Variants in AIM2 observed in about 807,000 individuals in gnomAD.
The protein encoded by AIM2 is interferon-inducible protein AIM2.
Under a neutral mutation model 27.7 loss-of-function variants are expected in AIM2, and 30 were observed. That is an observed-to-expected ratio of 1.08 (90% confidence interval 0.81 to 1.47). AIM2 has a LOEUF of 1.47. Ranked by LOEUF, AIM2 falls within the 40% of genes most tolerant of loss-of-function variation. The pLI is 0.00. For missense variants in AIM2, 358 were observed against 411.3 expected (o/e 0.87, Z 1.12); for synonymous variants, 141 against 145.3 (o/e 0.97, Z 0.21).
At chr1:159,058,140 G>C (rs1655716404), downstream of AIM2, among the ~76,000 whole-genome samples, 1 of 152,160 alleles carries the variant, frequency 6.6e-6, no homozygotes, top group Non-Finnish European at 1.5e-5. Flanking sequence ...GATCACTTGA[G>C]GTCAGGAGTT....
chr1:159,138,427 A>G (rs1648051991), intron 1 of AIM2, among the ~76,000 whole-genome samples: 1 of 152,150 alleles, frequency 6.6e-6, no homozygotes, highest in South Asian at 2.1e-4. Context: ...CACAACCATC[A>G]TTCATCACAT....
chr1:159,143,591 C>CGT (rs1648152649), upstream of AIM2, among the ~76,000 whole-genome samples: 1 of 87,358 alleles, frequency 1.1e-5, no homozygotes, highest in Non-Finnish European at 2.3e-5. Context: ...TACACACACA[C>CGT]ACACACACAC....
In AIM2 at chr1:159,115,258, C is replaced by A. The variant is rs547606011; in HGVS notation, c.-16+25173G>T. On this transcript the variant is annotated intron_variant, in intron 1 of 2. Coordinates refer to the AIM2 transcript ENST00000368129. ...AATATCGTGAAAATGGCCATACTGC[C>A]CAAGGTAATTTATAGATTCAATGCC... is the stretch of plus-strand genomic sequence containing the variant. Among the ~76,000 whole-genome samples the A allele has an allele frequency of 5.9e-5, 9 of 152,214 alleles. No homozygotes were observed. In the East Asian group the frequency reaches 1.7e-3, roughly 29 times the overall value.
At chr1:159,097,001 A>G (rs1337301994) in intron 1 of AIM2, among the ~76,000 whole-genome samples, 1 of 152,030 alleles carries the variant, frequency 6.6e-6, no homozygotes, top group African/African-American at 2.4e-5. Context: ...AGGCACAGAA[A>G]ATCTGGGATT....
At chr1:159,093,720 G>GTATA (rs962310298) in intron 1 of AIM2, among the ~76,000 whole-genome samples, 141 of 149,000 alleles carry the variant, frequency 9.5e-4, no homozygotes, top group African/African-American at 3.3e-3. Context: ...ATATGTATGT[G>GTATA]TATATATATA....
chr1:159,133,692 T>C (rs1647952943), intron 1 of AIM2, among the ~76,000 whole-genome samples: 1 of 152,230 alleles, frequency 6.6e-6, no homozygotes, highest in Admixed American at 6.5e-5. Flanking sequence ...AGTTTCTTCT[T>C]ATATACTTCT....
At chr1:159,108,593 A>T (rs960750721) in intron 1 of AIM2, among the ~76,000 whole-genome samples, 2 of 152,208 alleles carry the variant, frequency 1.3e-5, no homozygotes, top group African/African-American at 4.8e-5. Context: ...AGAAAAGAAG[A>T]AGTCAAACTG....
intron 1 of AIM2, among the ~76,000 whole-genome samples, chr1:159,127,510 G>T (rs1647753769): frequency 6.6e-6 from 1 of 152,226 alleles, no homozygotes; most frequent in African/African-American, 2.4e-5. Context: ...TATCAGTAAT[G>T]AAAACACAAT....
chr1:159,066,183 C>T lies in AIM2; in HGVS notation c.543G>A (p.Val181=). 6.2e-7 allele frequency: 1 copy of T among 1,614,120 alleles called. No homozygotes were observed. Among genetic ancestry groups the T allele is most frequent in the Non-Finnish European group, 8.5e-7 (1 of 1,180,024 alleles). Residue 181 remains valine, a synonymous_variant, in exon 4 of 6, where the codon GTG becomes GTA. Transcript: ENST00000368130. ...EGKQEMFHAT[V]ATEKEFFFVK... is the part of the protein sequence containing the mutation. ...CAAAGAAGAATTCCTTTTCTGTAGC[C>T]ACTGTAGCATGAAACATCTCCTGCT...
At chr1:159,132,308 T>C (rs1297452642) in intron 1 of AIM2, 5 of 151,722 alleles carry the variant, frequency 3.3e-5, no homozygotes, top group African/African-American at 9.7e-5. Flanking sequence ...GCGGAGGTTG[T>C]AGTCAGTGGA....
rs976023493 is a variant in AIM2 at position 159,084,770 on chromosome 1, G to A, written c.-15-18441C>T. ...AGCCTGAGTGACAGAGCAAAACCCT[G>A]TCTGAAATACACACACACACACACA... On this transcript the variant is annotated intron_variant, in intron 1 of 2. Transcript: ENST00000368129. Among the ~76,000 whole-genome samples the A allele has an allele frequency of 1.7e-4, 12 of 71,524 alleles. No individual in the cohort carries two copies. The Admixed American group carries it at 1.9e-3, about 12-fold the overall frequency. The allele number at this position is 71,524 out of a possible 152,430, so 46.9% of individuals were successfully genotyped here.
intron 1 of AIM2, chr1:159,123,482 C>T (rs923251079): frequency 2.0e-5 from 3 of 151,916 alleles, no homozygotes; most frequent in Admixed American, 6.6e-5. Context: ...CCAACTTCGT[C>T]GTATATTTGA....
intron 1 of AIM2, among the ~76,000 whole-genome samples, chr1:159,110,723 T>C (rs138063351): frequency 6.6e-6 from 1 of 152,322 alleles, no homozygotes; most frequent in African/African-American, 2.4e-5. Context: ...TCCTTCTCTA[T>C]TTCCTGCCCC....
downstream of AIM2, among the ~76,000 whole-genome samples, chr1:159,058,549 T>C (rs1465443161): frequency 6.6e-6 from 1 of 151,526 alleles, no homozygotes; most frequent in Non-Finnish European, 1.5e-5. Flanking sequence ...TAAAAGGCCA[T>C]GGAGACAGGT....
upstream of AIM2, among the ~76,000 whole-genome samples, chr1:159,078,519 C>T (rs1364661635): frequency 1.3e-5 from 2 of 152,134 alleles, no homozygotes; most frequent in Non-Finnish European, 2.9e-5. Context: ...AAGCACCAAC[C>T]CCAGAGAGGC....
rs146746298 is a variant in AIM2 at position 159,137,399 on chromosome 1, G to A, written c.-16+3032C>T. ...GGGCTGGGCGTGGTGGCTCACACCT[G>A]TAATCCCAGCACTTTGGGAGGCTGA... On this transcript the variant is annotated intron_variant, in intron 1 of 2. Transcript: ENST00000368129. 3.1e-3 allele frequency among the ~76,000 whole-genome samples: 475 copies of A among 152,282 alleles called. 2 individuals carry two copies. Among genetic ancestry groups the A allele is most frequent in the Middle Eastern group, 0.02 (6 of 294 alleles).
At chr1:159,082,807 G>A (rs753103810) in intron 1 of AIM2, among the ~76,000 whole-genome samples, 24 of 152,096 alleles carry the variant, frequency 1.6e-4, no homozygotes, top group Non-Finnish European at 2.9e-4. Context: ...CAGTCCACAA[G>A]GATGATGTCA....
chr1:159,133,978 T>C (rs1647962408), intron 1 of AIM2, among the ~76,000 whole-genome samples: 2 of 152,150 alleles, frequency 1.3e-5, no homozygotes, highest in South Asian at 4.1e-4. Flanking sequence ...CTCTACTATA[T>C]CTCAAAAGCA....
chr1:159,116,591 C>A (rs1369709759), intron 1 of AIM2, among the ~76,000 whole-genome samples: 3 of 151,916 alleles, frequency 2.0e-5, no homozygotes, highest in Admixed American at 1.3e-4. Context: ...GGACAAAAAA[C>A]CAAACACCGC....
Sources: gnomAD v4.1 joint callset for allele counts (sites outside exome capture counted in the v4.1 genomes callset) on GRCh38, gnomAD v4.1.1 for gene constraint, MANE v1.5 for transcripts, NCBI Gene and HGNC (gene_info 2026-07-23, HGNC 2026-07-21) for gene names.